SPIN1: variants seen among roughly 807,000 people sequenced by gnomAD.
SPIN1 encodes the protein spindlin 1, also known as spindlin-1.
In SPIN1, 3 loss-of-function variants were observed where a neutral mutation model predicts 26.0. The ratio of observed to expected loss-of-function variants is 0.12; its 90% CI spans 0.05 to 0.30. SPIN1 has a LOEUF of 0.30. SPIN1 is among the 10% of genes least tolerant of loss of function. The pLI, the probability that SPIN1 is intolerant of heterozygous loss-of-function variation, is 1.00. For missense variants in SPIN1, 126 were observed against 333.4 expected (o/e 0.38, Z 4.84); for synonymous variants, 101 against 116.5 (o/e 0.87, Z 0.86).
At chr9:88,411,044 C>T (rs760609803) in intron 1 of SPIN1, 40 of 1,585,044 alleles carry the variant, frequency 2.5e-5, no homozygotes, top group African/African-American at 1.6e-4. Flanking sequence ...GCCACTGCCT[C>T]GGTCAGTCAT....
At chr9:88,414,815 C>T (rs969398836) in intron 1 of SPIN1, among the ~76,000 whole-genome samples, 1 of 152,170 alleles carries the variant, frequency 6.6e-6, no homozygotes, top group Non-Finnish European at 1.5e-5. Flanking sequence ...TTTCTCCTGT[C>T]CAAATCCATG....
intron 2 of SPIN1, among the ~76,000 whole-genome samples, chr9:88,441,398 C>CGCGTGTGTGTGT (rs757363030): frequency 1.5e-5 from 2 of 137,730 alleles, no homozygotes; most frequent in African/African-American, 6.5e-5. Context: ...TGCTGCCATT[C>CGCGTGTGTGTGT]GTGTGTGTGT....
intron 1 of SPIN1, among the ~76,000 whole-genome samples, chr9:88,402,514 T>C (rs1015919704): frequency 1.4e-4 from 22 of 151,910 alleles, no homozygotes; most frequent in African/African-American, 5.3e-4. Context: ...GGTCAACTTT[T>C]TTTTTTTTTT....
At chr9:88,416,464 A>G (rs1827566970) in intron 1 of SPIN1, among the ~76,000 whole-genome samples, 1 of 151,878 alleles carries the variant, frequency 6.6e-6, no homozygotes, top group Middle Eastern at 3.2e-3. Context: ...CTGGAACTAC[A>G]GATGTATACC....
intron 1 of SPIN1, among the ~76,000 whole-genome samples, chr9:88,396,948 A>T (rs1013344668): frequency 1.3e-5 from 2 of 151,988 alleles, no homozygotes; most frequent in Non-Finnish European, 2.9e-5. Context: ...TACAGTAGAA[A>T]TGTGGTATAA....
chr9:88,475,010 A>G (rs1428028591), intron 5 of SPIN1, 68 bp from the exon 6 acceptor site: 4 of 1,361,544 alleles, frequency 2.9e-6, no homozygotes, highest in Admixed American at 3.1e-5. Flanking sequence ...GAGTTGATTT[A>G]TATCTAAAAA....
chr9:88,402,465 A>G (rs552042525), intron 1 of SPIN1, among the ~76,000 whole-genome samples: 165 of 150,998 alleles, frequency 1.1e-3, no homozygotes, highest in Non-Finnish European at 2.0e-3. Context: ...CACCCTTCCC[A>G]GCCTCTGATA....
intron 1 of SPIN1, chr9:88,419,002 GA>G (rs1490595236): frequency 1.3e-5 from 2 of 152,150 alleles, no homozygotes; most frequent in Non-Finnish European, 2.9e-5. Context: ...AATAGAATGA[GA>G]ATTTTGAGTT....
At chr9:88,408,660 C>T (rs1435255585) in intron 1 of SPIN1, among the ~76,000 whole-genome samples, 10 of 151,094 alleles carry the variant, frequency 6.6e-5, no homozygotes, top group East Asian at 3.9e-4. Flanking sequence ...CAGGTGTGAG[C>T]CACCATGCCT....
At chr9:88,425,383 G>T (rs1827744972) in intron 1 of SPIN1, among the ~76,000 whole-genome samples, 2 of 152,016 alleles carry the variant, frequency 1.3e-5, no homozygotes, top group Non-Finnish European at 2.9e-5. Context: ...TGGTTTAAAA[G>T]ATGACACTGC....
chr9:88,405,536 CTTTTT>C (rs757565862), intron 1 of SPIN1, among the ~76,000 whole-genome samples: 11 of 110,730 alleles, frequency 9.9e-5, no homozygotes, highest in African/African-American at 2.9e-4. Context: ...CTGTACTATC[CTTTTT>C]TTTTTTTTTT....
chr9:88,462,443 A>G, intron 3 of SPIN1, 53 bp from the exon 4 acceptor site: 2 of 1,582,124 alleles, frequency 1.3e-6, no homozygotes, highest in East Asian at 2.2e-5. Context: ...TGTTAGATCT[A>G]GGCATGCATA....
intron 4 of SPIN1, among the ~76,000 whole-genome samples, chr9:88,463,814 C>T (rs187983624): frequency 1.3e-5 from 2 of 152,288 alleles, no homozygotes; most frequent in Admixed American, 1.3e-4. Context: ...ACATTCTCAT[C>T]TATTCTTAAG....
At chr9:88,409,672 A>G (rs1456800924) in intron 1 of SPIN1, among the ~76,000 whole-genome samples, 2 of 151,140 alleles carry the variant, frequency 1.3e-5, no homozygotes, top group Non-Finnish European at 2.9e-5. Flanking sequence ...TGTCTCTACT[A>G]AAATACAAAA....
intron 3 of SPIN1, among the ~76,000 whole-genome samples, chr9:88,455,682 TAAA>T (rs1210462286): frequency 6.6e-6 from 1 of 152,194 alleles, no homozygotes; most frequent in East Asian, 1.9e-4. Flanking sequence ...GTTTTTAAAA[TAAA>T]AAGTTTTTAA....
At chr9:88,410,461 T>C (rs1827419367) in intron 1 of SPIN1, 6 of 683,542 alleles carry the variant, frequency 8.8e-6, no homozygotes, top group South Asian at 8.7e-5. Flanking sequence ...AATTCACAAA[T>C]CTGTTTTAAC....
At chr9:88,445,453 T>C (rs1044315929) in intron 2 of SPIN1, among the ~76,000 whole-genome samples, 1 of 151,652 alleles carries the variant, frequency 6.6e-6, no homozygotes, top group African/African-American at 2.4e-5. Flanking sequence ...TCTCCCAGTT[T>C]TAGTCTCCAA....
intron 3 of SPIN1, among the ~76,000 whole-genome samples, chr9:88,454,827 A>T (rs1394412738): frequency 6.6e-6 from 1 of 152,202 alleles, no homozygotes; most frequent in East Asian, 1.9e-4. Flanking sequence ...TTGGCTGCTG[A>T]GCAGCTTGTG....
chr9:88,425,975 C>A (rs1395256845), intron 1 of SPIN1, among the ~76,000 whole-genome samples: 1 of 152,188 alleles, frequency 6.6e-6, no homozygotes, highest in East Asian at 1.9e-4. Context: ...CTCCCACCCC[C>A]ATACTCTGTT....
Sources: allele counts gnomAD v4.1 joint callset (sites outside exome capture counted in the v4.1 genomes callset), GRCh38; gene constraint gnomAD v4.1.1; transcripts MANE v1.5; gene names NCBI Gene and HGNC (gene_info 2026-07-23, HGNC 2026-07-21).